Variants in TBC1D9 observed in about 807,000 individuals in gnomAD.
TBC1D9 encodes the protein TBC1 domain family member 9A.
TBC1D9 carries 63 observed loss-of-function variants against 132.0 expected under a neutral mutation model. That is an observed-to-expected ratio of 0.48 (90% CI 0.39 to 0.59). The LOEUF (loss-of-function observed/expected upper bound fraction) is 0.59. Ranked by LOEUF, TBC1D9 falls within the 20% of genes least tolerant of loss-of-function variation. The probability of loss-of-function intolerance (pLI) is 0.00; values close to 1 mark genes in which losing one functional copy is unlikely to be tolerated. For missense variants in TBC1D9, 1,261 were observed against 1,592.7 expected (o/e 0.79, Z 3.54); for synonymous variants, 610 against 609.9 (o/e 1.00, Z 0.00).
intron 2 of TBC1D9, among the ~76,000 whole-genome samples, chr4:140,698,745 G>GC (rs1188572002): frequency 2.6e-5 from 4 of 151,388 alleles, no homozygotes; most frequent in South Asian, 4.2e-4. Flanking sequence ...CTCGGGGGTG[G>GC]GGGGGGGAAA....
chr4:140,627,303 G>A (rs1427604171), intron 18 of TBC1D9, 138 bp downstream of exon 18: 4 of 606,596 alleles, frequency 6.6e-6, no homozygotes, highest in Non-Finnish European at 8.9e-6. Context: ...CTCAAAAACT[G>A]GAAAGGAAAG....
Position 140,670,878 on chromosome 4 carries a change from A to ACACTG in TBC1D9, c.1107_1108insCAGTG (p.Leu370GlnfsTer11). On this transcript the variant is annotated frameshift_variant, in exon 7 of 21. Coordinates refer to ENST00000442267, the MANE Select transcript of TBC1D9 (RefSeq NM_015130.3). LOFTEE classifies it high-confidence loss of function. ...ATCCTGTTTCGGGTGCTGATGGATA[A>ACACTG]GGGACTGGGGAGCACACTGGAGCTG... 6.2e-7 allele frequency: 1 copy of ACACTG among 1,614,014 alleles called. No individual in the cohort carries two copies. Among genetic ancestry groups the ACACTG allele is most frequent in the Non-Finnish European group, 8.5e-7 (1 of 1,179,896 alleles).
In TBC1D9 at chr4:140,643,264, C is replaced by T. The variant is rs577583223; in HGVS notation, c.2338-3836G>A. On this transcript the variant is annotated intron_variant, in intron 13 of 20. Transcript: ENST00000442267. The stretch of plus-strand genomic sequence containing the variant: ...CTCTCCAGCTCCAGCTCTGCGATCT[C>T]GCTCAGCAGGGTGATGCCGTGCAGA... The T allele has an allele frequency of 6.2e-5, 81 of 1,304,534 alleles. No individual in the cohort carries two copies. In the Middle Eastern group the frequency reaches 1.3e-3, roughly 21 times the overall value. The allele number at this position is 1,304,534 out of a possible 1,614,324, so 80.8% of individuals were successfully genotyped here.
At chr4:140,755,685 A>T (rs1041227476) in intron 1 of TBC1D9, among the ~76,000 whole-genome samples, 1 of 152,182 alleles carries the variant, frequency 6.6e-6, no homozygotes, top group Non-Finnish European at 1.5e-5. Flanking sequence ...CAACATATCC[A>T]CTTAAAGAGC....
intron 13 of TBC1D9, chr4:140,644,349 G>A (rs1199085807): frequency 7.1e-6 from 2 of 280,850 alleles, no homozygotes; most frequent in Non-Finnish European, 1.4e-5. Context: ...GTGGGAGCTA[G>A]GGGTAGCAGG....
At chr4:140,686,679 T>A (rs1335475176) in intron 2 of TBC1D9, among the ~76,000 whole-genome samples, 1 of 152,172 alleles carries the variant, frequency 6.6e-6, no homozygotes, top group East Asian at 1.9e-4. Context: ...TGTGTTATAA[T>A]CAAGTTTGAT....
At chr4:140,728,391 CT>C (rs746857552) in intron 1 of TBC1D9, among the ~76,000 whole-genome samples, 3 of 125,594 alleles carry the variant, frequency 2.4e-5, no homozygotes, top group African/African-American at 3.7e-5. Context: ...AAATTTTTAA[CT>C]TTAAATGGTA....
intron 1 of TBC1D9, among the ~76,000 whole-genome samples, chr4:140,724,542 G>A (rs1738469670): frequency 6.6e-6 from 1 of 151,496 alleles, no homozygotes; most frequent in South Asian, 2.1e-4. Flanking sequence ...TTCTAACTGT[G>A]ACTCACAATC....
At chr4:140,677,354 GC>G (rs1737641913) in intron 5 of TBC1D9, among the ~76,000 whole-genome samples, 1 of 152,088 alleles carries the variant, frequency 6.6e-6, no homozygotes, top group Non-Finnish European at 1.5e-5. Context: ...AAGAATCATA[GC>G]AAAAATAAGC....
intron 13 of TBC1D9, chr4:140,643,937 A>C (rs984309505): frequency 4.6e-6 from 3 of 657,124 alleles, no homozygotes; most frequent in Non-Finnish European, 8.5e-6. Context: ...GCTCGTCCAC[A>C]TCCTCCACCT....
At chr4:140,712,036 G>T (rs1738252037) in intron 1 of TBC1D9, 1 of 152,030 alleles carries the variant, frequency 6.6e-6, no homozygotes. Flanking sequence ...CTCAAAGAGA[G>T]CTCATGCCAT....
At position 140,725,992 on chromosome 4, in the gene TBC1D9, GCA is replaced by G. The variant is rs1360282569; in HGVS notation, c.131-24380_131-24379del. Among the ~76,000 whole-genome samples the G allele has an allele frequency of 2.5e-4, 38 of 152,162 alleles. 1 individual carries two copies. The highest frequency in any genetic ancestry group is 7.7e-4 in the African/African-American group (32 of 41,542). ...CTCAAAACTTTAAAAAATTGGCCAG[GCA>G]CAGTGGCTCATGCCTATAATCCCAG... On this transcript the variant is annotated intron_variant, in intron 1 of 20. Coordinates refer to ENST00000442267, the MANE Select transcript of TBC1D9 (RefSeq NM_015130.3).
At chr4:140,687,935 G>T (rs1412648120) in intron 2 of TBC1D9, among the ~76,000 whole-genome samples, 1 of 151,878 alleles carries the variant, frequency 6.6e-6, no homozygotes, top group Non-Finnish European at 1.5e-5. Context: ...ATAATAATAA[G>T]AAAAATTAGT....
At position 140,622,086 on chromosome 4, in the gene TBC1D9, G is replaced by A; in HGVS notation, c.*109C>T. The A allele has an allele frequency of 2.1e-6, 3 of 1,405,180 alleles. No homozygotes were observed. The highest frequency in any genetic ancestry group is 2.8e-6 in the Non-Finnish European group (3 of 1,061,696). The allele number at this position is 1,405,180 out of a possible 1,614,324, so 87.0% of individuals were successfully genotyped here. A position where few individuals can be genotyped will look rare whatever the true frequency, so the allele number is the denominator to read the frequency against. ...ATGAAAACACTAGGCTTCAAGCCAG[G>A]TACTAATAAATATTTAATTTAAAAG... is the stretch of plus-strand genomic sequence containing the variant. On this transcript the variant is annotated 3_prime_UTR_variant, in exon 21 of 21. Coordinates refer to ENST00000442267, the MANE Select transcript of TBC1D9 (RefSeq NM_015130.3).
intron 9 of TBC1D9, among the ~76,000 whole-genome samples, chr4:140,667,078 T>C (rs1737459295): frequency 6.6e-6 from 1 of 152,230 alleles, no homozygotes; most frequent in South Asian, 2.1e-4. Flanking sequence ...GTTCAGGTCA[T>C]GATGCCGTCA....
chr4:140,722,646 T>A (rs1378806621), intron 1 of TBC1D9, among the ~76,000 whole-genome samples: 1 of 152,180 alleles, frequency 6.6e-6, no homozygotes, highest in Non-Finnish European at 1.5e-5. Context: ...CTAATGATAA[T>A]TCTTAAAAAT....
intron 15 of TBC1D9, among the ~76,000 whole-genome samples, chr4:140,634,391 C>T (rs1736845180): frequency 6.6e-6 from 1 of 152,194 alleles, no homozygotes; most frequent in African/African-American, 2.4e-5. Flanking sequence ...ACACCAACCA[C>T]TTCTGCAGTT....
chr4:140,660,925 T>TTC (rs1177806058), intron 10 of TBC1D9, among the ~76,000 whole-genome samples: 1 of 151,792 alleles, frequency 6.6e-6, no homozygotes, highest in African/African-American at 2.4e-5. Flanking sequence ...TTCTTTTTTT[T>TTC]TTAATTTGAG....
At chr4:140,678,859 G>T in intron 5 of TBC1D9, 83 bp downstream of exon 5, 1 of 1,480,654 alleles carries the variant, frequency 6.8e-7, no homozygotes, top group Non-Finnish European at 9.2e-7. Context: ...CTTGAAGATC[G>T]TCAGAGAAGG....
Sources: gnomAD v4.1 joint callset for allele counts (sites outside exome capture counted in the v4.1 genomes callset) on GRCh38, gnomAD v4.1.1 for gene constraint, MANE v1.5 for transcripts, NCBI Gene and HGNC (gene_info 2026-07-23, HGNC 2026-07-21) for gene names.